The following DNAH9 variants were observed in gnomAD, a reference collection of about 807,000 sequenced individuals.
The protein encoded by DNAH9 is DNAH9 variant protein.
In DNAH9, 345 loss-of-function variants were observed where a neutral mutation model predicts 471.6. That is an observed-to-expected ratio of 0.73 (90% CI 0.67 to 0.80). DNAH9 has a LOEUF of 0.80. DNAH9 is among the 30% of genes least tolerant of loss of function. The probability of loss-of-function intolerance (pLI) is 0.00; values close to 1 mark genes in which losing one functional copy is unlikely to be tolerated. For synonymous variants in DNAH9, 2,093 were observed against 2,123.6 expected, an observed-to-expected ratio of 0.99 and a Z score of 0.40; for missense variants, 5,407 against 5,609.2, an observed-to-expected ratio of 0.96 and a Z score of 1.15.
In DNAH9 at chr17:11,727,860, T is replaced by C. The variant is rs566697966; in HGVS notation, c.5752T>C (p.Trp1918Arg). ...IYKGLAQTGA[W>R]GCFDEFNRIS... is the part of the protein sequence containing the mutation. ...CAAAGGCCTTGCTCAGACTGGTGCC[T>C]GGGGCTGCTTTGATGAGTTTAATCG... The change falls in exon 28 of 69, where the codon TGG (tryptophan) becomes CGG (arginine). Residue 1918 changes from tryptophan to arginine, a missense_variant. By Grantham distance (101) the Trp-to-Arg change is moderately radical. Transcript: ENST00000262442. The C allele has an allele frequency of 3.1e-6, 5 of 1,614,142 alleles. No homozygotes were observed. In the African/African-American group the frequency reaches 6.7e-5, roughly 22 times the overall value.
intron 36 of DNAH9, among the ~76,000 whole-genome samples, chr17:11,766,146 A>G (rs551326891): frequency 2.4e-4 from 36 of 152,178 alleles, no homozygotes; most frequent in Admixed American, 9.8e-4. Flanking sequence ...TGCCTGCATT[A>G]AAAGCTAAAC....
intron 45 of DNAH9, among the ~76,000 whole-genome samples, chr17:11,810,625 T>G (rs1245174774): frequency 2.0e-5 from 3 of 152,118 alleles, no homozygotes; most frequent in Non-Finnish European, 4.4e-5. Context: ...GACCTGATGA[T>G]GGGAAGAAGA....
chr17:11,934,711 C>G (rs896421317), intron 65 of DNAH9, among the ~76,000 whole-genome samples: 1 of 152,114 alleles, frequency 6.6e-6, no homozygotes, highest in Non-Finnish European at 1.5e-5. Flanking sequence ...CTGGGCCTCC[C>G]AAAGTGCTGG....
At chr17:11,712,371 A>C (rs2074884299) in intron 26 of DNAH9, among the ~76,000 whole-genome samples, 2 of 151,642 alleles carry the variant, frequency 1.3e-5, no homozygotes, top group Non-Finnish European at 2.9e-5. Flanking sequence ...AGGCTGTTAT[A>C]AACAATACCG....
Position 11,660,323 on chromosome 17 carries a change from T to C in DNAH9, c.2596-4510T>C, listed in dbSNP as rs989636550. ...GTTATTCAGTTTTAAATGTTTCTTT[T>C]TTTTTTTTTTTTTTTTTGAGACAGA... is the stretch of plus-strand genomic sequence containing the variant. On this transcript the variant is annotated intron_variant, in intron 14 of 68. Transcript: ENST00000262442. Among the ~76,000 whole-genome samples, 84 of 115,520 alleles carry C rather than the reference T, an allele frequency of 7.3e-4. 1 individual carries two copies. Among genetic ancestry groups the C allele is most frequent in the Middle Eastern group, 9.7e-3 (2 of 206 alleles). 75.8% of individuals were successfully genotyped at this position (115,520 alleles called of 152,430 possible). A position where few individuals can be genotyped will look rare whatever the true frequency, so the allele number is the denominator to read the frequency against.
chr17:11,782,042 C>G (rs1968693026), intron 39 of DNAH9, among the ~76,000 whole-genome samples: 1 of 150,870 alleles, frequency 6.6e-6, no homozygotes, highest in South Asian at 2.1e-4. Context: ...ACTCACCTTT[C>G]TACCGCATAC....
intron 67 of DNAH9, among the ~76,000 whole-genome samples, chr17:11,951,093 A>AC (rs543334675): frequency 5.0e-4 from 76 of 152,186 alleles, no homozygotes; most frequent in East Asian, 3.3e-3. Flanking sequence ...ATTTCATACA[A>AC]CCCCAAACAA....
rs1455004280 is a variant in DNAH9, at chr17:11,626,170, G to A, written c.1351-3247G>A. On this transcript the variant is annotated intron_variant, in intron 6 of 68. Transcript: ENST00000262442. The surrounding 1 kb of genome is among the most constrained non-coding windows in gnomAD (Gnocchi z 4.3). ...CTCTGAAGTGGATATTTCAGCCGGT[G>A]TATAACATGATGAATTTCGTGTTTA... is the stretch of plus-strand genomic sequence containing the variant. Among the ~76,000 whole-genome samples, 2 of 152,112 alleles carry A rather than the reference G, an allele frequency of 1.3e-5. No individual in the cohort carries two copies. The highest frequency in any genetic ancestry group is 2.4e-5 in the African/African-American group (1 of 41,410).
chr17:11,790,493 A>G (rs931449485), intron 41 of DNAH9, among the ~76,000 whole-genome samples: 19 of 152,014 alleles, frequency 1.2e-4, no homozygotes, highest in African/African-American at 4.1e-4. Flanking sequence ...TGACTATTCC[A>G]TATCTTTAGT....
At chr17:11,826,772 G>GT (rs1567830018) in intron 48 of DNAH9, among the ~76,000 whole-genome samples, 1 of 142,960 alleles carries the variant, frequency 7.0e-6, no homozygotes, top group Non-Finnish European at 1.5e-5. Context: ...AGTTCTGTAT[G>GT]TTTTCTAAAT....
At chr17:11,853,938 A>G (rs1409986141) in intron 49 of DNAH9, 65 bp from the exon 50 acceptor site, 29 of 1,499,482 alleles carry the variant, frequency 1.9e-5, no homozygotes, top group Middle Eastern at 3.5e-4. Flanking sequence ...ACCTAACTCC[A>G]TCAGTGGCAG....
chr17:11,648,677 G>A (rs1321978560), intron 12 of DNAH9, among the ~76,000 whole-genome samples: 2 of 151,950 alleles, frequency 1.3e-5, no homozygotes, highest in African/African-American at 4.8e-5. Context: ...AGGGAAAGGA[G>A]GGAGGAAAGA....
intron 54 of DNAH9, among the ~76,000 whole-genome samples, chr17:11,880,685 G>A (rs1032137755): frequency 1.3e-5 from 2 of 152,096 alleles, no homozygotes; most frequent in African/African-American, 4.8e-5. Flanking sequence ...CAATGGGTTC[G>A]TATGAAGGGC....
chr17:11,960,686 G>C (rs1976059557), intron 67 of DNAH9, among the ~76,000 whole-genome samples: 1 of 151,774 alleles, frequency 6.6e-6, no homozygotes, highest in Middle Eastern at 3.2e-3. Context: ...TTGAACCCGG[G>C]AGGCGGAGGT....
chr17:11,602,366 C>T (rs1009319745), intron 1 of DNAH9, among the ~76,000 whole-genome samples: 20 of 152,280 alleles, frequency 1.3e-4, no homozygotes, highest in Non-Finnish European at 2.9e-5. Flanking sequence ...AAATCCTCCT[C>T]ACCCATCTGA....
Position 11,669,163 on chromosome 17 carries a change from G to C in DNAH9, c.2831G>C (p.Gly944Ala). ...YPSLESGVKG[G>A]FCDIVEGLIT... is the part of the protein sequence containing the mutation. ...TCTCTGGAGTCTGGAGTGAAGGGGG[G>C]TTTCTGTGACATTGTTGAGGGTCTC... The change falls in exon 16 of 69, where the codon GGT (glycine) becomes GCT (alanine). Residue 944 changes from glycine to alanine, a missense_variant. Physicochemically the swap from Gly to Ala is moderately conservative, Grantham distance 60. This residue lies in a region of DNAH9 where 4,636 missense variants were observed against 4,900.3 expected (regional missense o/e 0.95). Transcript: ENST00000262442. 4 of 1,613,810 alleles carry C rather than the reference G, an allele frequency of 2.5e-6. No homozygotes were observed. In the South Asian group the frequency reaches 3.3e-5, roughly 13 times the overall value.
chr17:11,952,803 T>G (rs1975436714), intron 67 of DNAH9, among the ~76,000 whole-genome samples: 2 of 152,120 alleles, frequency 1.3e-5, no homozygotes, highest in Non-Finnish European at 2.9e-5. Flanking sequence ...GCTGTATGAG[T>G]CAGGTACAGC....
At chr17:11,666,264 A>T (rs1391364414) in intron 15 of DNAH9, among the ~76,000 whole-genome samples, 2 of 152,148 alleles carry the variant, frequency 1.3e-5, no homozygotes, top group Admixed American at 6.5e-5. Context: ...TAGAGAATCT[A>T]GGAAGATACC....
chr17:11,694,021 T>G, intron 21 of DNAH9, 23 bp downstream of exon 21: 1 of 1,608,402 alleles, frequency 6.2e-7, no homozygotes. Flanking sequence ...CCATTACCCC[T>G]TCTCTAATAA....
Sources: gnomAD v4.1 joint callset for allele counts (sites outside exome capture counted in the v4.1 genomes callset) on GRCh38, gnomAD v4.1.1 for gene constraint, gnomAD v4.1.1 regional missense constraint, Gnocchi (gnomAD v3.1) non-coding constraint, MANE v1.5 for transcripts, NCBI Gene and HGNC (gene_info 2026-07-23, HGNC 2026-07-21) for gene names.